The following PPP2R2D variants were observed in gnomAD, a reference collection of about 807,000 sequenced individuals.
PPP2R2D encodes protein phosphatase 2 regulatory subunit Bdelta.
Under a neutral mutation model 31.1 loss-of-function variants are expected in PPP2R2D, and 9 were observed. That is an observed-to-expected ratio of 0.29 (90% CI 0.17 to 0.51). PPP2R2D has a LOEUF of 0.51. Among genes scored for constraint, PPP2R2D ranks in the 20% least tolerant of loss-of-function variants. The probability of loss-of-function intolerance (pLI) is 0.98; values close to 1 mark genes in which losing one functional copy is unlikely to be tolerated. For missense variants in PPP2R2D, 391 were observed against 465.6 expected, an observed-to-expected ratio of 0.84 and a Z score of 1.48; for synonymous variants, 179 against 172.6, an observed-to-expected ratio of 1.04 and a Z score of -0.29.
intron 2 of PPP2R2D, among the ~76,000 whole-genome samples, chr10:131,922,442 T>G (rs1461138409): frequency 6.7e-6 from 1 of 149,026 alleles, no homozygotes; most frequent in African/African-American, 2.5e-5. Context: ...GATACATACT[T>G]ATCTGTCAAT....
At chr10:131,961,495 C>T (rs1012815129), downstream of PPP2R2D, among the ~76,000 whole-genome samples, 5 of 152,184 alleles carry the variant, frequency 3.3e-5, no homozygotes, top group African/African-American at 7.2e-5. Context: ...GGGTCACAGA[C>T]GCACACACCA....
chr10:131,927,619 C>T (rs1554895115), intron 2 of PPP2R2D, among the ~76,000 whole-genome samples: 1 of 152,164 alleles, frequency 6.6e-6, no homozygotes, highest in Non-Finnish European at 1.5e-5. Flanking sequence ...CCACTAGGAG[C>T]ACGTTGCCAG....
chr10:131,903,831 C>A (rs924314080), intron 2 of PPP2R2D, among the ~76,000 whole-genome samples: 2 of 152,180 alleles, frequency 1.3e-5, no homozygotes, highest in Non-Finnish European at 2.9e-5. Flanking sequence ...TCGTTAGTCA[C>A]CAGGGATTGC....
intron 2 of PPP2R2D, among the ~76,000 whole-genome samples, chr10:131,928,998 C>T (rs1255783838): frequency 5.9e-5 from 9 of 152,208 alleles, no homozygotes; most frequent in African/African-American, 2.2e-4. Context: ...CAACAGGCGC[C>T]TCTGTCCTCA....
In PPP2R2D at chr10:131,955,719, G is replaced by C; in HGVS notation, c.1118G>C (p.Arg373Thr). The change falls in exon 9 of 9, where the codon AGG (arginine) becomes ACG (threonine). Residue 373 changes from arginine to threonine, a missense_variant. By Grantham distance (71) the Arg-to-Thr change is moderately conservative. This residue lies in a region of PPP2R2D where 163 missense variants were observed against 179.5 expected (regional missense o/e 0.91). Transcript: ENST00000455566. The part of the protein sequence containing the change: ...IMTGSYNNFF[R>T]MFDRDTRRDV... Reference sequence around the variant, plus strand: ...ACCGGGTCCTATAACAACTTCTTCAGGATGTTTGATAGAGACACGCGGAGG... The same window carrying C: ...ACCGGGTCCTATAACAACTTCTTCACGATGTTTGATAGAGACACGCGGAGG... 6.7e-7 allele frequency: 1 copy of C among 1,490,662 alleles called. No individual in the cohort carries two copies. The highest frequency in any genetic ancestry group is 2.5e-5 in the East Asian group (1 of 40,588). The allele number at this position is 1,490,662 out of a possible 1,614,324, so 92.3% of individuals were successfully genotyped here.
intron 3 of PPP2R2D, 173 bp from the exon 4 acceptor site, chr10:131,939,858 C>G: frequency 5.1e-6 from 2 of 393,090 alleles, no homozygotes; most frequent in Non-Finnish European, 9.1e-6. Flanking sequence ...AGTCGGAAAT[C>G]AAGTTCGTTC....
rs532039847 is a variant in PPP2R2D at position 131,946,454 on chromosome 10, C to T, written c.820+995C>T. 3.9e-5 allele frequency among the ~76,000 whole-genome samples: 6 copies of T among 152,280 alleles called. No homozygotes were observed. In the East Asian group the frequency reaches 1.2e-3, roughly 29 times the overall value. ...ATGTGCAGCGGCGCCCCCAGTGCCT[C>T]GGTGGAATGTGCCCATGGACCGTGT... is the stretch of plus-strand genomic sequence containing the variant. On this transcript the variant is annotated intron_variant, in intron 7 of 8. Coordinates refer to ENST00000455566, the MANE Select transcript of PPP2R2D (RefSeq NM_018461.5).
rs1004747558 is a variant in PPP2R2D, at chr10:131,909,745, A to G, written c.100+8415A>G. Among the ~76,000 whole-genome samples the G allele has an allele frequency of 4.6e-5, 7 of 152,354 alleles. No individual in the cohort carries two copies. In the South Asian group the frequency reaches 8.3e-4, roughly 18 times the overall value. ...GAATAATTTTATACTCTTAATAGTT[A>G]TATTGAGGATCCAGAGAGCCTTTGT... On this transcript the variant is annotated intron_variant, in intron 2 of 8. Transcript: ENST00000455566.
intron 3 of PPP2R2D, among the ~76,000 whole-genome samples, chr10:131,937,734 A>G (rs1190623621): frequency 6.6e-6 from 1 of 152,196 alleles, no homozygotes; most frequent in Non-Finnish European, 1.5e-5. Flanking sequence ...TTCTTGGTAG[A>G]TGAATGTCTT....
chr10:131,924,794 A>G (rs2036070080), intron 2 of PPP2R2D, among the ~76,000 whole-genome samples: 1 of 151,342 alleles, frequency 6.6e-6, no homozygotes. Flanking sequence ...ATCGTGACAC[A>G]GGATAACTTT....
chr10:131,944,603 C>G (rs1245698938), intron 6 of PPP2R2D, among the ~76,000 whole-genome samples: 13 of 152,220 alleles, frequency 8.5e-5, no homozygotes, highest in African/African-American at 3.1e-4. Context: ...CACATGGGCC[C>G]CTTTCCAGCC....
At chr10:131,931,603 C>T (rs1467055629) in intron 2 of PPP2R2D, among the ~76,000 whole-genome samples, 1 of 152,224 alleles carries the variant, frequency 6.6e-6, no homozygotes, top group Non-Finnish European at 1.5e-5. Flanking sequence ...CCGCCTTGGC[C>T]TCCCAAAGTG....
chr10:131,920,260 G>T (rs1410071924), intron 2 of PPP2R2D, among the ~76,000 whole-genome samples: 3 of 150,958 alleles, frequency 2.0e-5, no homozygotes, highest in Non-Finnish European at 3.0e-5. Flanking sequence ...ACCTGACGTG[G>T]GTGGAATGAC....
intron 2 of PPP2R2D, among the ~76,000 whole-genome samples, chr10:131,933,600 C>T (rs1554896026): frequency 3.3e-5 from 5 of 152,178 alleles, no homozygotes; most frequent in Non-Finnish European, 4.4e-5. Context: ...AGTCCGCACG[C>T]GACACAGCAG....
chr10:131,963,861 TCA>T (rs1554901838), downstream of PPP2R2D, among the ~76,000 whole-genome samples: 1 of 152,218 alleles, frequency 6.6e-6, no homozygotes, highest in Non-Finnish European at 1.5e-5. Flanking sequence ...TCATGGGGAC[TCA>T]CACCGTGCAG....
At chr10:131,937,752 G>A (rs543612794) in intron 3 of PPP2R2D, among the ~76,000 whole-genome samples, 3 of 152,308 alleles carry the variant, frequency 2.0e-5, no homozygotes, top group South Asian at 4.1e-4. Flanking sequence ...CTTGGGCATA[G>A]GACTAATTTA....
rs28554030 is a variant in PPP2R2D at position 131,919,711 on chromosome 10, C to T, written c.101-14747C>T. Among the ~76,000 whole-genome samples the T allele has an allele frequency of 5.5e-5, 5 of 91,496 alleles. 1 individual carries two copies. The highest frequency in any genetic ancestry group is 2.5e-4 in the Admixed American group (2 of 7,926). 60.0% of individuals were successfully genotyped at this position (91,496 alleles called of 152,430 possible). A position where few individuals can be genotyped will look rare whatever the true frequency, so the allele number is the denominator to read the frequency against. On this transcript the variant is annotated intron_variant, in intron 2 of 8. Coordinates refer to ENST00000455566, the MANE Select transcript of PPP2R2D (RefSeq NM_018461.5). ...GACAGTGTTTATAGGGACCTCAGGC[C>T]GGTGGAATGACACAGTGTTCGTAGG...
chr10:131,918,035 G>T (rs1231997080), intron 2 of PPP2R2D, among the ~76,000 whole-genome samples: 6 of 142,528 alleles, frequency 4.2e-5, no homozygotes, highest in South Asian at 2.4e-4. Context: ...GGGACCTCAG[G>T]CGGGTGGGAT....
intron 2 of PPP2R2D, among the ~76,000 whole-genome samples, chr10:131,902,083 C>G (rs1009836595): frequency 6.3e-4 from 96 of 152,286 alleles, no homozygotes; most frequent in African/African-American, 2.2e-3. Context: ...ACCCCAGCTT[C>G]CCATGAAGCT....
Sources: allele counts gnomAD v4.1 joint callset (sites outside exome capture counted in the v4.1 genomes callset), GRCh38; gene constraint gnomAD v4.1.1; regional missense constraint gnomAD v4.1.1; transcripts MANE v1.5; gene names NCBI Gene and HGNC (gene_info 2026-07-23, HGNC 2026-07-21).